SEM1: variants seen among roughly 807,000 people sequenced by gnomAD.
SEM1 encodes the protein SEM1 26S proteasome subunit, also known as 26S proteasome complex subunit SEM1.
In SEM1, 3 loss-of-function variants were observed where a neutral mutation model predicts 12.7. That is an observed-to-expected ratio of 0.24 (90% CI 0.11 to 0.61). The LOEUF (loss-of-function observed/expected upper bound fraction) is 0.61, where lower values mean the gene tolerates loss of function less well. Among genes scored for constraint, SEM1 ranks in the 20% least tolerant of loss-of-function variants. SEM1 has a pLI of 0.88. For synonymous variants in SEM1, 30 were observed against 27.8 expected, an observed-to-expected ratio of 1.08 and a Z score of -0.25; for missense variants, 59 against 81.3, an observed-to-expected ratio of 0.73 and a Z score of 1.06.
chr7:96,675,677 A>G (rs1333307341), intron 2 of SEM1, among the ~76,000 whole-genome samples: 1 of 152,114 alleles, frequency 6.6e-6, no homozygotes, highest in Non-Finnish European at 1.5e-5. Context: ...TCAGAAGCTG[A>G]GGAGCCTGCT....
Position 96,643,144 on chromosome 7 carries a change from CAT to C in SEM1, c.171-20503_171-20502del, listed in dbSNP as rs956318989. On this transcript the variant is annotated intron_variant, in intron 2 of 2. Transcript: ENST00000417009. Reference sequence around the variant, plus strand: ...TAGGTCCCAGTGTGTGTTGTTCCCACATATGTGTCCATGTGTTCTCATCATTT... The same window carrying C: ...TAGGTCCCAGTGTGTGTTGTTCCCACATGTGTCCATGTGTTCTCATCATTT... Among the ~76,000 whole-genome samples the C allele has an allele frequency of 4.6e-5, 7 of 152,096 alleles. No homozygotes were observed. The South Asian group carries it at 8.3e-4, about 18-fold the overall frequency.
intron 2 of SEM1, among the ~76,000 whole-genome samples, chr7:96,543,732 T>C (rs926832046): frequency 1.3e-5 from 2 of 152,060 alleles, no homozygotes; most frequent in African/African-American, 2.4e-5. Flanking sequence ...CTTAGTAACC[T>C]TGTTGCATTG....
At chr7:96,702,046 T>C (rs7803574) in intron 1 of SEM1, among the ~76,000 whole-genome samples, 138,546 of 151,988 alleles carry the variant, frequency 0.91, 63,290 homozygotes, top group Non-Finnish European at 0.95. Flanking sequence ...GAGCCCAAGT[T>C]GGGCAAGAAG....
chr7:96,552,473 G>C (rs1347725846), intron 2 of SEM1, among the ~76,000 whole-genome samples: 1 of 150,478 alleles, frequency 6.6e-6, no homozygotes, highest in Non-Finnish European at 1.5e-5. Context: ...AGTTTACTGA[G>C]AATGATGATT....
At chr7:96,663,514 C>T (rs773465197) in intron 2 of SEM1, among the ~76,000 whole-genome samples, 91 of 152,040 alleles carry the variant, frequency 6.0e-4, no homozygotes, top group Non-Finnish European at 1.1e-3. Flanking sequence ...AAGAGAGGGG[C>T]GAGAAGAAGG....
intron 2 of SEM1, among the ~76,000 whole-genome samples, chr7:96,656,828 T>G (rs908696555): frequency 6.8e-6 from 1 of 147,938 alleles, no homozygotes; most frequent in Non-Finnish European, 1.5e-5. Context: ...AGTTGAAGAG[T>G]GCATGTTAAA....
chr7:96,536,688 T>TGTC, intron 2 of SEM1, among the ~76,000 whole-genome samples: 1 of 151,958 alleles, frequency 6.6e-6, no homozygotes, highest in South Asian at 2.1e-4. Context: ...TCCCTCATGA[T>TGTC]CTTCTTTGTT....
chr7:96,695,506 G>A (rs865909577), intron 1 of SEM1: 19 of 151,892 alleles, frequency 1.3e-4, no homozygotes, highest in Admixed American at 2.6e-4. Context: ...AGAATGGTGA[G>A]AAAGTACGTA....
intron 2 of SEM1, among the ~76,000 whole-genome samples, chr7:96,549,454 T>A (rs1262061939): frequency 6.6e-6 from 1 of 152,232 alleles, no homozygotes; most frequent in Admixed American, 6.5e-5. Context: ...GGCAGATCTC[T>A]TATGTTCATC....
chr7:96,505,542 ATT>A (rs1803729379), intron 3 of SEM1, among the ~76,000 whole-genome samples: 1 of 152,034 alleles, frequency 6.6e-6, no homozygotes, highest in African/African-American at 2.4e-5. Context: ...TCAAAGAGCT[ATT>A]TTCTTGCATT....
intron 2 of SEM1, among the ~76,000 whole-genome samples, chr7:96,660,900 A>G (rs903036374): frequency 6.6e-6 from 1 of 152,184 alleles, no homozygotes; most frequent in African/African-American, 2.4e-5. Context: ...AGTTACATGT[A>G]TGTATCAGAA....
At chr7:96,575,990 C>T (rs1446587869) in intron 2 of SEM1, among the ~76,000 whole-genome samples, 1 of 152,038 alleles carries the variant, frequency 6.6e-6, no homozygotes, top group Admixed American at 6.6e-5. Flanking sequence ...TAAAGTTTTA[C>T]CTTAGGAATC....
chr7:96,621,568 T>TG (rs1807893828), downstream of SEM1: 1 of 152,212 alleles, frequency 6.6e-6, no homozygotes, highest in Non-Finnish European at 1.5e-5. Flanking sequence ...TTTTGTAATA[T>TG]CACCCTCTTT....
chr7:96,637,142 G>T (rs1808452939), intron 2 of SEM1: 1 of 151,876 alleles, frequency 6.6e-6, no homozygotes, highest in South Asian at 2.1e-4. Flanking sequence ...TGTGGAGAGG[G>T]TATATATGAC....
rs1174825958 is a variant in SEM1, at chr7:96,527,976, G to A, written c.171-21278C>T. 2.6e-5 allele frequency among the ~76,000 whole-genome samples: 4 copies of A among 152,060 alleles called. No homozygotes were observed. The East Asian group carries it at 7.7e-4, about 29-fold the overall frequency. Reference sequence around the variant, plus strand: ...TAATTCTCACAATAGGAATATGTATGGTTCATGATATCAGCTCCTTGCAGG... The same window carrying A: ...TAATTCTCACAATAGGAATATGTATAGTTCATGATATCAGCTCCTTGCAGG... On this transcript the variant is annotated intron_variant and NMD_transcript_variant, in intron 2 of 3. Transcript: ENST00000466986.
intron 2 of SEM1, among the ~76,000 whole-genome samples, chr7:96,512,758 G>A (rs1803970843): frequency 6.6e-6 from 1 of 152,018 alleles, no homozygotes; most frequent in Non-Finnish European, 1.5e-5. Context: ...TAGTGTAAAA[G>A]CATAAAAAGT....
At chr7:96,643,507 TATG>T (rs1478339144) in intron 2 of SEM1, among the ~76,000 whole-genome samples, 14 of 152,070 alleles carry the variant, frequency 9.2e-5, no homozygotes, top group African/African-American at 2.7e-4. Flanking sequence ...CATGCACACG[TATG>T]TTTACTGCGG....
At chr7:96,548,270 G>C (rs1805163138) in intron 2 of SEM1, among the ~76,000 whole-genome samples, 1 of 152,108 alleles carries the variant, frequency 6.6e-6, no homozygotes, top group South Asian at 2.1e-4. Context: ...AGGAGACCTA[G>C]AGCAATGACC....
chr7:96,626,602 T>C (rs1808077479), intron 2 of SEM1, among the ~76,000 whole-genome samples: 1 of 152,180 alleles, frequency 6.6e-6, no homozygotes, highest in African/African-American at 2.4e-5. Context: ...GGTTTGCATA[T>C]GTTGAACCAT....
Sources: allele counts gnomAD v4.1 joint callset (sites outside exome capture counted in the v4.1 genomes callset), GRCh38; gene constraint gnomAD v4.1.1; transcripts MANE v1.5; gene names NCBI Gene and HGNC (gene_info 2026-07-23, HGNC 2026-07-21).